Variants in NOD2 observed in about 807,000 individuals in gnomAD.
NOD2 encodes nucleotide binding oligomerization domain containing 2, also known as nucleotide-binding oligomerization domain-containing protein 2.
NOD2 carries 86 observed loss-of-function variants against 90.9 expected under a neutral mutation model. The observed-to-expected ratio is 0.95, with a 90% CI of 0.79 to 1.13. NOD2 has a LOEUF of 1.13. Among genes scored for constraint, NOD2 ranks in the 50% most tolerant of loss-of-function variants. The probability of loss-of-function intolerance (pLI) is 0.00; values close to 1 mark genes in which losing one functional copy is unlikely to be tolerated. For missense variants in NOD2, 1,238 were observed against 1,283.8 expected (o/e 0.96, Z 0.55); for synonymous variants, 581 against 554.6 (o/e 1.05, Z -0.67).
rs562225614 is a variant in NOD2, at chr16:50,711,188, G to A, written c.1196G>A (p.Arg399His). 91 of 1,614,058 alleles carry A rather than the reference G, an allele frequency of 5.6e-5. 1 individual carries two copies. The highest frequency in any genetic ancestry group is 8.3e-5 in the Admixed American group (5 of 60,036). ...LKNARKVVTS[R>H]PAAVSAFLRK... ...AATGCCCGCAAGGTGGTGACCAGCC[G>A]TCCGGCCGCTGTGTCGGCGTTCCTC... Residue 399 changes from arginine (R) to histidine (H), a missense_variant, in exon 4 of 12, where the codon CGT becomes CAT. Arg to His is a conservative substitution (Grantham distance 29). This residue lies in a region of NOD2 where 567 missense variants were observed against 577.3 expected (regional missense o/e 0.98). Coordinates refer to ENST00000647318, the MANE Select transcript of NOD2 (RefSeq NM_001370466.1).
chr16:50,703,066 T>G (rs1964011855), intron 2 of NOD2, among the ~76,000 whole-genome samples: 1 of 152,190 alleles, frequency 6.6e-6, no homozygotes, highest in African/African-American at 2.4e-5. Flanking sequence ...TAAACATTTT[T>G]TAAATTGGGA....
chr16:50,703,638 C>T lies in NOD2; in HGVS notation c.459+3684C>T, dbSNP rs143304873. On this transcript the variant is annotated intron_variant, in intron 2 of 11. Transcript: ENST00000647318. ...GGCAGAGGTTGCAGTGAGCCAAGAT[C>T]GCACCACTGCACTCTAGCCTGGGTC... Among the ~76,000 whole-genome samples the T allele has an allele frequency of 2.7e-3, 402 of 148,618 alleles. 4 individuals are homozygous for T. The highest frequency in any genetic ancestry group is 9.1e-3 in the African/African-American group (366 of 40,058).
At chr16:50,730,046 G>A (rs1437124825) in intron 11 of NOD2, 145 bp downstream of exon 11, 3 of 657,414 alleles carry the variant, frequency 4.6e-6, no homozygotes, top group Non-Finnish European at 8.4e-6. Context: ...GCATGTGAAG[G>A]ATCTGATTCT....
rs1439038743 is a variant in NOD2, at chr16:50,712,631, C to T, written c.2381+258C>T. The stretch of plus-strand genomic sequence containing the variant: ...ACCTCATCTAATCTCTACAACCACC[C>T]TGGCGGGTAGGCAGGAATGTTATTA... On this transcript the variant is annotated intron_variant, in intron 4 of 11. Transcript: ENST00000647318. The T allele has an allele frequency of 7.0e-6, 4 of 567,378 alleles. No homozygotes were observed. The African/African-American group carries it at 7.5e-5, about 11-fold the overall frequency. The allele number at this position is 567,378 out of a possible 1,614,324, so 35.1% of individuals were successfully genotyped here.
rs1963509709 is a variant in NOD2, at chr16:50,693,631, G to C, written c.-40G>C. The C allele has an allele frequency of 6.6e-6, 1 of 152,588 alleles. No individual in the cohort carries two copies. The highest frequency in any genetic ancestry group is 1.9e-4 in the South Asian group (1 of 5,302). 9.5% of individuals were successfully genotyped at this position (152,588 alleles called of 1,614,324 possible). A position where few individuals can be genotyped will look rare whatever the true frequency, so the allele number is the denominator to read the frequency against. The stretch of plus-strand genomic sequence containing the variant: ...GGAGCCGGGAGTCGTGGCCCGGAGT[G>C]GGCCTTGGAGTCGGCGCGCAGGCGG... On this transcript the variant is annotated 5_prime_UTR_variant, in exon 1 of 12. Coordinates refer to ENST00000647318, the MANE Select transcript of NOD2 (RefSeq NM_001370466.1).
chr16:50,709,246 TGACATAAACACAG>T (rs768726236), intron 3 of NOD2, among the ~76,000 whole-genome samples: 8 of 152,022 alleles, frequency 5.3e-5, no homozygotes, highest in Non-Finnish European at 1.0e-4. Flanking sequence ...GGAACAGAGG[TGACATAAACACAG>T]GGCGTCCCCT....
intron 6 of NOD2, among the ~76,000 whole-genome samples, chr16:50,718,744 A>G (rs1448856275): frequency 6.6e-6 from 1 of 152,182 alleles, no homozygotes; most frequent in Non-Finnish European, 1.5e-5. Flanking sequence ...AAGCAAGTTA[A>G]TCCACATGAA....
Position 50,697,295 on chromosome 16 carries a change from G to A in NOD2, c.-8-2193G>A, listed in dbSNP as rs886052043. The A allele has an allele frequency of 2.6e-6, 4 of 1,559,082 alleles. No individual in the cohort carries two copies. The highest frequency in any genetic ancestry group is 1.7e-4 in the Middle Eastern group (1 of 5,996). On this transcript the variant is annotated intron_variant, in intron 1 of 11. Transcript: ENST00000647318. ...TCACGATGAGGAGGAAAGAGCAAGT[G>A]TCCTCCTCGGACATTCTCCGGGTAA...
intron 9 of NOD2, among the ~76,000 whole-genome samples, chr16:50,724,352 A>G (rs1488991687): frequency 6.6e-6 from 1 of 152,222 alleles, no homozygotes; most frequent in Non-Finnish European, 1.5e-5. Flanking sequence ...TTGTTATGAG[A>G]GCATCAGTTA....
intron 9 of NOD2, 126 bp downstream of exon 9, chr16:50,723,510 T>C: frequency 2.4e-6 from 2 of 821,656 alleles, no homozygotes; most frequent in Non-Finnish European, 4.1e-6. Flanking sequence ...ACTGATTGAT[T>C]GATTGTGTTT....
rs1464578513 is a variant in NOD2 at position 50,723,337 on chromosome 16, A to C, written c.2754A>C (p.Gln918His). 6.2e-7 allele frequency: 1 copy of C among 1,613,954 alleles called. No individual in the cohort carries two copies. Among genetic ancestry groups the C allele is most frequent in the Admixed American group, 1.7e-5 (1 of 60,006 alleles). ...VGNNIGSVGA[Q>H]ALALMLAKNV... is the part of the protein sequence containing the mutation. Reference sequence around the variant, plus strand: ...ACAACATTGGCAGTGTGGGTGCCCAAGCCTTGGCACTGATGCTGGCAAAGA... The same window carrying C: ...ACAACATTGGCAGTGTGGGTGCCCACGCCTTGGCACTGATGCTGGCAAAGA... The change falls in exon 9 of 12, where the codon CAA becomes CAC. Residue 918 changes from glutamine to histidine, a missense_variant. Transcript: ENST00000647318.
chr16:50,732,697 T>C lies in NOD2; in HGVS notation c.*878T>C, dbSNP rs926553025. ...GGGCCAGAATTTCAAACGGCCTCAC[T>C]AGGCTTCTGGTTGATGCCTGTGAAC... On this transcript the variant is annotated 3_prime_UTR_variant, in exon 12 of 12. Coordinates refer to ENST00000647318, the MANE Select transcript of NOD2 (RefSeq NM_001370466.1). 2 of 152,396 alleles carry C rather than the reference T, an allele frequency of 1.3e-5. No individual in the cohort carries two copies. The highest frequency in any genetic ancestry group is 4.8e-5 in the African/African-American group (2 of 41,466). The allele number at this position is 152,396 out of a possible 1,614,324, so 9.4% of individuals were successfully genotyped here. A position where few individuals can be genotyped will look rare whatever the true frequency, so the allele number is the denominator to read the frequency against.
intron 7 of NOD2, 40 bp downstream of exon 7, chr16:50,720,048 C>A: frequency 6.3e-7 from 1 of 1,575,384 alleles, no homozygotes; most frequent in Non-Finnish European, 8.7e-7. Context: ...CATGGAGGGG[C>A]TTGGGACTTT....
chr16:50,725,662 G>T (rs1567405497), intron 10 of NOD2, 90 bp downstream of exon 10: 1 of 989,306 alleles, frequency 1.0e-6, no homozygotes, highest in Admixed American at 1.7e-5. Context: ...TCTCCGCTGG[G>T]CTAACTCATG....
At chr16:50,708,721 A>G (rs1964317505) in intron 3 of NOD2, among the ~76,000 whole-genome samples, 2 of 151,816 alleles carry the variant, frequency 1.3e-5, no homozygotes, top group Admixed American at 1.3e-4. Context: ...ATTGGCACTG[A>G]AGCCCCCTGA....
chr16:50,697,377 C>T (rs573845398), intron 1 of NOD2: 52 of 1,441,972 alleles, frequency 3.6e-5, no homozygotes, highest in Middle Eastern at 3.5e-4. Context: ...CATCCTTGGC[C>T]GCGACATGCT....
intron 11 of NOD2, among the ~76,000 whole-genome samples, chr16:50,731,178 T>A (rs1019086437): frequency 1.3e-5 from 2 of 152,094 alleles, no homozygotes; most frequent in Non-Finnish European, 2.9e-5. Flanking sequence ...AAATAAAAAA[T>A]TTAAAAGTGA....
At chr16:50,715,293 A>G (rs1425859201) in intron 4 of NOD2, among the ~76,000 whole-genome samples, 1 of 152,180 alleles carries the variant, frequency 6.6e-6, no homozygotes, top group African/African-American at 2.4e-5. Context: ...TAGTGTTATT[A>G]TTGAGAAGTG....
At chr16:50,699,119 C>T (rs192123676) in intron 1 of NOD2, among the ~76,000 whole-genome samples, 1 of 152,048 alleles carries the variant, frequency 6.6e-6, no homozygotes, top group East Asian at 1.9e-4. Context: ...GTAGAGACAG[C>T]GTTTCACCGT....
Sources: allele counts gnomAD v4.1 joint callset (sites outside exome capture counted in the v4.1 genomes callset), GRCh38; gene constraint gnomAD v4.1.1; regional missense constraint gnomAD v4.1.1; transcripts MANE v1.5; gene names NCBI Gene and HGNC (gene_info 2026-07-23, HGNC 2026-07-21).